The following RAD21L1 variants were observed in gnomAD, a reference collection of about 807,000 sequenced individuals.
The protein encoded by RAD21L1 is RAD21 cohesin complex component like 1, also known as double-strand-break repair protein rad21-like protein 1.
RAD21L1 carries 47 observed loss-of-function variants against 69.0 expected under a neutral mutation model. The ratio of observed to expected loss-of-function variants is 0.68; its 90% CI spans 0.54 to 0.87. The LOEUF (loss-of-function observed/expected upper bound fraction) is 0.87. Among genes scored for constraint, RAD21L1 ranks in the 40% least tolerant of loss-of-function variants. The pLI, the probability that RAD21L1 is intolerant of heterozygous loss-of-function variation, is 0.00. For synonymous variants in RAD21L1, 177 were observed against 205.8 expected, an observed-to-expected ratio of 0.86 and a Z score of 1.20; for missense variants, 583 against 647.6, an observed-to-expected ratio of 0.90 and a Z score of 1.08.
chr20:1,235,124 G>C (rs1162521319), intron 5 of RAD21L1, among the ~76,000 whole-genome samples: 5 of 151,996 alleles, frequency 3.3e-5, no homozygotes, highest in Admixed American at 3.3e-4. Context: ...CCTACTCCCT[G>C]TCTTATATCA....
In RAD21L1 at chr20:1,239,352, C is replaced by T; in HGVS notation, c.687C>T (p.Asp229=). ...LQDDQNILLE[D]MHLNREISLP... is the part of the protein sequence containing the mutation. ...ATGATCAGAATATCCTGTTAGAAGA[C>T]ATGCATTTGAACAGAGAAATTTCCC... The change falls in exon 7 of 14, where the codon GAC becomes GAT. Residue 229 remains aspartate (D), a synonymous_variant. Coordinates refer to ENST00000683101, the MANE Select transcript of RAD21L1 (RefSeq NM_001384355.1). 6.5e-7 allele frequency: 1 copy of T among 1,549,966 alleles called. No homozygotes were observed.
Position 1,254,605 on chromosome 20 carries a change from C to T in RAD21L1, c.*148C>T, listed in dbSNP as rs2087900268. ...CTTCCTCTCTGTAGTTCAGAATAAT[C>T]ATAGCTAGAATTGGAAACCTACATG... On this transcript the variant is annotated 3_prime_UTR_variant, in exon 14 of 14. Coordinates refer to ENST00000683101, the MANE Select transcript of RAD21L1 (RefSeq NM_001384355.1). The T allele has an allele frequency of 2.2e-6, 1 of 444,624 alleles. No homozygotes were observed. The allele number at this position is 444,624 out of a possible 1,614,324, so 27.5% of individuals were successfully genotyped here. A position where few individuals can be genotyped will look rare whatever the true frequency, so the allele number is the denominator to read the frequency against.
intron 11 of RAD21L1, among the ~76,000 whole-genome samples, chr20:1,245,664 T>C (rs535972674): frequency 6.6e-6 from 1 of 152,250 alleles, no homozygotes; most frequent in South Asian, 2.1e-4. Context: ...TCTTTCTTCC[T>C]TTATGTCTTC....
At chr20:1,249,535 G>A (rs1035543698) in intron 13 of RAD21L1, among the ~76,000 whole-genome samples, 16 of 152,138 alleles carry the variant, frequency 1.1e-4, no homozygotes, top group African/African-American at 3.9e-4. Context: ...GATCCAAAAT[G>A]GCTAACTACC....
chr20:1,231,633 T>C lies in RAD21L1; in HGVS notation c.368+14T>C. On this transcript the variant is annotated intron_variant, in intron 4 of 13. Coordinates refer to ENST00000683101, the MANE Select transcript of RAD21L1 (RefSeq NM_001384355.1). ...CCAAAATATGAAGTAAAATATTTTA[T>C]TTATTTTCCTTCGATTTAATTTTCT... is the stretch of plus-strand genomic sequence containing the variant. 8.4e-7 allele frequency: 1 copy of C among 1,190,188 alleles called. No homozygotes were observed. The highest frequency in any genetic ancestry group is 1.2e-6 in the Non-Finnish European group (1 of 834,984). 73.7% of individuals were successfully genotyped at this position (1,190,188 alleles called of 1,614,324 possible).
At chr20:1,249,460 TC>T (rs2087783479) in intron 13 of RAD21L1, among the ~76,000 whole-genome samples, 1 of 152,208 alleles carries the variant, frequency 6.6e-6, no homozygotes, top group South Asian at 2.1e-4. Flanking sequence ...AGGTAAAAGT[TC>T]AATCTGGTAT....
chr20:1,254,157 A>G, intron 13 of RAD21L1, 112 bp from the exon 14 acceptor site: 3 of 663,982 alleles, frequency 4.5e-6, no homozygotes, highest in Admixed American at 3.3e-5. Flanking sequence ...AGGATTTTAT[A>G]GTCATTTATC....
chr20:1,253,178 A>G (rs759356780), intron 13 of RAD21L1, among the ~76,000 whole-genome samples: 1 of 152,224 alleles, frequency 6.6e-6, no homozygotes, highest in Non-Finnish European at 1.5e-5. Context: ...TAATTTATTA[A>G]TTTGTTGACT....
Position 1,254,278 on chromosome 20 carries a change from A to G in RAD21L1, c.1489A>G (p.Lys497Glu). 1 of 1,504,396 alleles carries G rather than the reference A, an allele frequency of 6.6e-7. No individual in the cohort carries two copies. Among genetic ancestry groups the G allele is most frequent in the Non-Finnish European group, 8.9e-7 (1 of 1,120,662 alleles). 93.2% of individuals were successfully genotyped at this position (1,504,396 alleles called of 1,614,324 possible). A position where few individuals can be genotyped will look rare whatever the true frequency, so the allele number is the denominator to read the frequency against. Residue 497 changes from lysine (K) to glutamate (E), a missense_variant, in exon 14 of 14, where the codon AAG becomes GAG. Physicochemically the swap from Lys to Glu is moderately conservative, Grantham distance 56 (BLOSUM62 1). Transcript: ENST00000683101. ...CTAATTATTTTCCCAGGAATCTAAC[A>G]AGATGGGAATGCAGTCCTTTAGTCT... ...QMLNRLRESN[K>E]MGMQSFSLMK...
intron 10 of RAD21L1, 128 bp downstream of exon 10, chr20:1,243,324 G>A: frequency 1.9e-6 from 1 of 528,790 alleles, no homozygotes; most frequent in Non-Finnish European, 3.4e-6. Context: ...CTCTGGAAGA[G>A]TAGTGGAACT....
At chr20:1,240,217 T>G (rs1303719339) in intron 7 of RAD21L1, 104 bp from the exon 8 acceptor site, 1 of 1,403,174 alleles carries the variant, frequency 7.1e-7, no homozygotes, top group Non-Finnish European at 9.2e-7. Context: ...GTTAGTAATA[T>G]AAATCTTCAG....
chr20:1,241,539 T>A (rs889304103), intron 8 of RAD21L1, among the ~76,000 whole-genome samples: 1 of 152,204 alleles, frequency 6.6e-6, no homozygotes, highest in Non-Finnish European at 1.5e-5. Flanking sequence ...ACTGAGCCTC[T>A]ATCTCACTAG....
chr20:1,243,072 A>T (rs1009416970), intron 9 of RAD21L1, 25 bp from the exon 10 acceptor site: 1 of 1,449,236 alleles, frequency 6.9e-7, no homozygotes, highest in Non-Finnish European at 9.3e-7. Flanking sequence ...AAAAACAAAA[A>T]AAACAAAAAT....
At chr20:1,229,818 T>C in intron 2 of RAD21L1, 62 bp from the exon 3 acceptor site, 2 of 1,275,926 alleles carry the variant, frequency 1.6e-6, no homozygotes, top group Non-Finnish European at 2.1e-6. Flanking sequence ...TCAGTAACTT[T>C]CAAAGAATAG....
intron 8 of RAD21L1, among the ~76,000 whole-genome samples, chr20:1,242,254 A>G (rs2087621676): frequency 6.6e-6 from 1 of 152,080 alleles, no homozygotes; most frequent in Non-Finnish European, 1.5e-5. Flanking sequence ...TCTTTTGGAG[A>G]TAGGGTCTTG....
intron 12 of RAD21L1, among the ~76,000 whole-genome samples, chr20:1,248,188 T>C (rs1336502169): frequency 6.6e-6 from 1 of 152,022 alleles, no homozygotes; most frequent in African/African-American, 2.4e-5. Flanking sequence ...CAGTTATGTT[T>C]AGAGCTTCCA....
chr20:1,226,233 C>T (rs2087255912), intron 1 of RAD21L1, 93 bp downstream of exon 1: 1 of 151,604 alleles, frequency 6.6e-6, no homozygotes, highest in Non-Finnish European at 1.5e-5. Flanking sequence ...CACACGCACC[C>T]GGCGCCGGCG....
Position 1,254,338 on chromosome 20 carries a change from G to T in RAD21L1, c.1549G>T (p.Ala517Ser), listed in dbSNP as rs1209506108. ...KLCRNSDRKQ[A>S]AAKFYSFLVL... ...CTGTAGAAATAGTGACCGAAAACAA[G>T]CAGCTGCCAAATTTTATAGCTTTCT... The change falls in exon 14 of 14, where the codon GCA becomes TCA. Residue 517 changes from alanine to serine, a missense_variant. Transcript: ENST00000683101. 6.4e-7 allele frequency: 1 copy of T among 1,551,188 alleles called. No individual in the cohort carries two copies. The highest frequency in any genetic ancestry group is 1.4e-5 in the African/African-American group (1 of 73,016).
chr20:1,242,223 C>T (rs1444688953), intron 8 of RAD21L1, among the ~76,000 whole-genome samples: 1 of 152,080 alleles, frequency 6.6e-6, no homozygotes, highest in Non-Finnish European at 1.5e-5. Context: ...GTAGGTTGTA[C>T]TGTGGTAGAA....
Sources: gnomAD v4.1 joint callset for allele counts (sites outside exome capture counted in the v4.1 genomes callset) on GRCh38, gnomAD v4.1.1 for gene constraint, MANE v1.5 for transcripts, NCBI Gene and HGNC (gene_info 2026-07-23, HGNC 2026-07-21) for gene names.